FFAR4: variants seen among roughly 807,000 people sequenced by gnomAD.
FFAR4 encodes G-protein coupled receptor 120.
Under a neutral mutation model 27.0 loss-of-function variants are expected in FFAR4, and 19 were observed. The ratio of observed to expected loss-of-function variants is 0.70; its 90% CI spans 0.49 to 1.03. The LOEUF (loss-of-function observed/expected upper bound fraction) is 1.03, where lower values mean the gene tolerates loss of function less well. FFAR4 is among the 50% of genes least tolerant of loss of function. FFAR4 has a pLI of 0.00. For missense variants in FFAR4, 476 were observed against 479.0 expected (o/e 0.99, Z 0.06); for synonymous variants, 254 against 215.6 (o/e 1.18, Z -1.56).
chr10:93,579,320 A>G (rs45508497), intron 2 of FFAR4: 27,952 of 868,738 alleles, frequency 0.032, 808 homozygotes, highest in African/African-American at 0.1. Context: ...TCTCACCTTC[A>G]TATTTCACCC....
intron 2 of FFAR4, among the ~76,000 whole-genome samples, chr10:93,579,592 G>C (rs759884603): frequency 6.6e-6 from 1 of 152,160 alleles, no homozygotes; most frequent in Non-Finnish European, 1.5e-5. Flanking sequence ...ACAGTCATCT[G>C]TCTTGCCCAC....
chr10:93,572,885 G>C (rs181735164), intron 1 of FFAR4, among the ~76,000 whole-genome samples: 2 of 152,224 alleles, frequency 1.3e-5, no homozygotes, highest in African/African-American at 2.4e-5. Context: ...AAATGAGTGA[G>C]ATGGCCAGGG....
In FFAR4 at chr10:93,567,056, C is replaced by T. The variant is rs1336114845; in HGVS notation, c.336C>T (p.His112=). 2.0e-5 allele frequency: 33 copies of T among 1,611,522 alleles called. No homozygotes were observed. In the Admixed American group the frequency reaches 4.8e-4, roughly 24 times the overall value. Residue 112 remains histidine, a synonymous_variant, in exon 1 of 3, where the codon CAC becomes CAT. Coordinates refer to ENST00000371481, the MANE Select transcript of FFAR4 (RefSeq NM_001195755.2). The part of the protein sequence containing the change: ...EAWLLGPVAC[H]LLFYVMTLSG... ...GGCTGCTGGGCCCCGTTGCCTGCCA[C>T]CTGCTCTTCTACGTGATGACCCTGA...
chr10:93,567,282 G>T lies in FFAR4; in HGVS notation c.562G>T (p.Asp188Tyr). 6.3e-7 allele frequency: 1 copy of T among 1,598,178 alleles called. No individual in the cohort carries two copies. ...RVVPQRLPGADQEISICTLIW... is the reference protein window; with the variant it reads ...RVVPQRLPGAYQEISICTLIW... Reference sequence around the variant, plus strand: ...CGTCCCGCAACGGCTCCCCGGCGCCGACCAGGTGAGCGCCCCTCTGTGTGT... The same window carrying T: ...CGTCCCGCAACGGCTCCCCGGCGCCTACCAGGTGAGCGCCCCTCTGTGTGT... Residue 188 changes from aspartate to tyrosine, a missense_variant, in exon 1 of 3, where the codon GAC (aspartate) becomes TAC (tyrosine). Transcript: ENST00000371481.
intron 2 of FFAR4, among the ~76,000 whole-genome samples, chr10:93,584,661 A>G (rs374836284): frequency 3.1e-4 from 47 of 152,202 alleles, no homozygotes; most frequent in African/African-American, 1.1e-3. Flanking sequence ...AAGCAGCCAC[A>G]TTGAATCATA....
chr10:93,585,010 G>A (rs1396939728), intron 2 of FFAR4, among the ~76,000 whole-genome samples: 3 of 152,164 alleles, frequency 2.0e-5, no homozygotes, highest in Non-Finnish European at 2.9e-5. Context: ...GCCCAGCCTA[G>A]TTACAAGTAT....
intron 1 of FFAR4, among the ~76,000 whole-genome samples, chr10:93,575,296 T>C (rs901477263): frequency 1.3e-5 from 2 of 152,240 alleles, no homozygotes; most frequent in Admixed American, 6.5e-5. Flanking sequence ...CACACAGATA[T>C]ATGTCTGTTT....
intron 2 of FFAR4, among the ~76,000 whole-genome samples, chr10:93,584,776 G>A (rs11187532): frequency 0.077 from 11,603 of 151,628 alleles, 523 homozygotes; most frequent in Middle Eastern, 0.099. Context: ...GCGCAATCTC[G>A]GCTCATTGCA....
chr10:93,579,265 A>G, intron 2 of FFAR4: 1 of 1,396,166 alleles, frequency 7.2e-7, no homozygotes, highest in Non-Finnish European at 1.0e-6. Flanking sequence ...ACATTCCATC[A>G]CCACCCTCAC....
rs2058248957 is a variant in FFAR4 at position 93,589,305 on chromosome 10, G to C, written c.*1696G>C. 1 of 152,442 alleles carries C rather than the reference G, an allele frequency of 6.6e-6. No homozygotes were observed. The highest frequency in any genetic ancestry group is 6.5e-5 in the Admixed American group (1 of 15,282). 9.4% of individuals were successfully genotyped at this position (152,442 alleles called of 1,614,324 possible). A position where few individuals can be genotyped will look rare whatever the true frequency, so the allele number is the denominator to read the frequency against. ...AATGTGTGCAAAGATTACCCTGGCT[G>C]CTGGGCAGGGAATAGACTCTGAGGA... On this transcript the variant is annotated 3_prime_UTR_variant, in exon 3 of 3. Coordinates refer to ENST00000371481, the MANE Select transcript of FFAR4 (RefSeq NM_001195755.2).
intron 1 of FFAR4, among the ~76,000 whole-genome samples, chr10:93,570,657 C>T (rs1420855108): frequency 2.0e-5 from 3 of 152,164 alleles, no homozygotes; most frequent in African/African-American, 7.2e-5. Flanking sequence ...TTCTGCCGAC[C>T]CAAGAGCCTT....
At chr10:93,567,389 AT>A in intron 1 of FFAR4, 102 bp downstream of exon 1, 1 of 991,052 alleles carries the variant, frequency 1.0e-6, no homozygotes, top group Non-Finnish European at 1.5e-6. Context: ...AACAATAGCC[AT>A]TTATTGCACT....
chr10:93,579,229 A>G, intron 2 of FFAR4: 1 of 1,589,792 alleles, frequency 6.3e-7, no homozygotes, highest in Non-Finnish European at 8.6e-7. Flanking sequence ...TCTGAGTAAC[A>G]GAGTAACAGA....
At chr10:93,568,587 A>G (rs1188382392) in intron 1 of FFAR4, among the ~76,000 whole-genome samples, 1 of 152,078 alleles carries the variant, frequency 6.6e-6, no homozygotes, top group Non-Finnish European at 1.5e-5. Flanking sequence ...ATGGAGATGC[A>G]CACAGCCCAC....
rs769624792 is a variant in FFAR4 at position 93,587,509 on chromosome 10, A to T, written c.986A>T (p.Glu329Val). ...TACAACATGACACTGTGCAGGAATGAGTGGAAGAAAATTTTTTGCTGCTTC... is the reference window on the plus strand; with the variant it reads ...TACAACATGACACTGTGCAGGAATGTGTGGAAGAAAATTTTTTGCTGCTTC... ...ILYNMTLCRN[E>V]WKKIFCCFWF... Residue 329 changes from glutamate to valine, a missense_variant, in exon 3 of 3, where the codon GAG (glutamate) becomes GTG (valine). Physicochemically the swap from Glu to Val is moderately radical, Grantham distance 121. Coordinates refer to ENST00000371481, the MANE Select transcript of FFAR4 (RefSeq NM_001195755.2). 6.8e-6 allele frequency: 11 copies of T among 1,614,102 alleles called. No individual in the cohort carries two copies. In the South Asian group the frequency reaches 1.2e-4, roughly 18 times the overall value.
rs2058242392 is a variant in FFAR4 at position 93,588,357 on chromosome 10, A to C, written c.*748A>C. The C allele has an allele frequency of 1.3e-5, 2 of 151,998 alleles. No individual in the cohort carries two copies. Among genetic ancestry groups the C allele is most frequent in the Non-Finnish European group, 2.9e-5 (2 of 68,006 alleles). 9.4% of individuals were successfully genotyped at this position (151,998 alleles called of 1,614,324 possible). A position where few individuals can be genotyped will look rare whatever the true frequency, so the allele number is the denominator to read the frequency against. ...AGGATCATTCGTTGATGTCAAGAGCAATTGAAGAATTTCTAAGGAACAGTT... is the reference window on the plus strand; with the variant it reads ...AGGATCATTCGTTGATGTCAAGAGCCATTGAAGAATTTCTAAGGAACAGTT... On this transcript the variant is annotated 3_prime_UTR_variant, in exon 3 of 3. Coordinates refer to ENST00000371481, the MANE Select transcript of FFAR4 (RefSeq NM_001195755.2).
At chr10:93,573,504 G>T (rs919527337) in intron 1 of FFAR4, among the ~76,000 whole-genome samples, 1 of 152,102 alleles carries the variant, frequency 6.6e-6, no homozygotes, top group South Asian at 2.1e-4. Flanking sequence ...AAGCCAAATG[G>T]ATTTTCCCAC....
intron 2 of FFAR4, among the ~76,000 whole-genome samples, chr10:93,584,997 T>G (rs1317358049): frequency 2.6e-5 from 4 of 152,210 alleles, no homozygotes; most frequent in African/African-American, 9.6e-5. Context: ...CATGAGCCAC[T>G]GCGCCCAGCC....
At chr10:93,583,414 TC>T (rs1246742995) in intron 2 of FFAR4, among the ~76,000 whole-genome samples, 2 of 139,118 alleles carry the variant, frequency 1.4e-5, no homozygotes, top group Non-Finnish European at 1.6e-5. Context: ...AGACTCCGCT[TC>T]AAAAAAAAAA....
Sources: gnomAD v4.1 joint callset for allele counts (sites outside exome capture counted in the v4.1 genomes callset) on GRCh38, gnomAD v4.1.1 for gene constraint, MANE v1.5 for transcripts, NCBI Gene and HGNC (gene_info 2026-07-23, HGNC 2026-07-21) for gene names.